ALG12: variants seen among roughly 807,000 people sequenced by gnomAD.
ALG12 encodes ALG12 alpha-1,6-mannosyltransferase.
Under a neutral mutation model 46.0 loss-of-function variants are expected in ALG12, and 36 were observed. The observed-to-expected ratio is 0.78, with a 90% confidence interval of 0.60 to 1.03. The LOEUF (loss-of-function observed/expected upper bound fraction) is 1.03. ALG12 is among the 50% of genes least tolerant of loss of function. ALG12 has a pLI of 0.00. For missense variants in ALG12, 599 were observed against 633.5 expected, an observed-to-expected ratio of 0.95 and a Z score of 0.58; for synonymous variants, 326 against 291.6, an observed-to-expected ratio of 1.12 and a Z score of -1.20.
chr22:49,879,981 C>T, the ALG12 span, among the ~76,000 whole-genome samples: 3 of 151,102 alleles, frequency 2.0e-5, no homozygotes, highest in Non-Finnish European at 4.4e-5. Flanking sequence ...TGGTTTTCTC[C>T]CGCTTCATCG....
chr22:49,908,383 C>CCAGG (rs2060555669), intron 6 of ALG12, among the ~76,000 whole-genome samples: 19 of 146,478 alleles, frequency 1.3e-4, no homozygotes, highest in African/African-American at 2.5e-4. Flanking sequence ...CAAAAATTAG[C>CCAGG]TGGGCATGGT....
the ALG12 span, chr22:49,885,021 C>T: frequency 2.2e-5 from 36 of 1,612,784 alleles, no homozygotes; most frequent in Non-Finnish European, 3.1e-5. Context: ...ATAAAAAGGT[C>T]ATGAAAAGAC....
chr22:49,870,540 C>G, the ALG12 span, among the ~76,000 whole-genome samples: 1 of 152,086 alleles, frequency 6.6e-6, no homozygotes, highest in Non-Finnish European at 1.5e-5. Flanking sequence ...GAGATGGTAT[C>G]TCGTTGTGGT....
chr22:49,886,774 T>G, the ALG12 span: 1 of 1,612,508 alleles, frequency 6.2e-7, no homozygotes, highest in Non-Finnish European at 8.5e-7. This position sits in a 1 kb window ranked among gnomAD's most constrained non-coding sequence, Gnocchi z 7.7. Context: ...ACTCATGAAT[T>G]CTACCTCAGA....
chr22:49,877,897 A>G, the ALG12 span, among the ~76,000 whole-genome samples: 1 of 152,186 alleles, frequency 6.6e-6, no homozygotes, highest in Non-Finnish European at 1.5e-5. Context: ...TGTTGCGTGT[A>G]TCCATTCATT....
intron 7 of ALG12, among the ~76,000 whole-genome samples, chr22:49,904,753 T>TAA (rs1459792717): frequency 6.6e-6 from 1 of 152,120 alleles, no homozygotes; most frequent in African/African-American, 2.4e-5. Context: ...TATATATATA[T>TAA]TTTTGAGACA....
intron 3 of ALG12, 89 bp from the exon 4 acceptor site, chr22:49,910,696 T>C: frequency 6.8e-7 from 1 of 1,469,038 alleles, no homozygotes; most frequent in Non-Finnish European, 9.5e-7. Flanking sequence ...CAGATCTTTC[T>C]ATATGGAGTT....
the ALG12 span, among the ~76,000 whole-genome samples, chr22:49,873,601 G>A: frequency 6.6e-6 from 1 of 152,042 alleles, no homozygotes; most frequent in African/African-American, 2.4e-5. Flanking sequence ...GGCACCGATG[G>A]ACGTGCTTGA....
At position 49,913,667 on chromosome 22, in the gene ALG12, C is replaced by T. The variant is rs76707654; in HGVS notation, c.99G>A (p.Val33=). The change falls in exon 2 of 10, where the codon GTG becomes GTA. Residue 33 remains valine, a synonymous_variant. Transcript: ENST00000330817. ...VHLVICPYTK[V]EESFNLQATH... The stretch of plus-strand genomic sequence containing the variant: ...TGGCCTGCAGGTTGAAGCTCTCCTC[C>T]ACTTTGGTGTAGGGACAGATGACCA... 27,034 of 1,614,138 alleles carry T rather than the reference C, an allele frequency of 0.017. 738 individuals carry two copies. The highest frequency in any genetic ancestry group is 0.12 in the African/African-American group (9,131 of 75,034).
At chr22:49,886,846 G>A in the ALG12 span, 1 of 1,614,068 alleles carries the variant, frequency 6.2e-7, no homozygotes, top group South Asian at 1.1e-5. The surrounding 1 kb of genome is among the most constrained non-coding windows in gnomAD (Gnocchi z 7.7). Flanking sequence ...TGCCGCAGAG[G>A]AGAACCTGTG....
the ALG12 span, among the ~76,000 whole-genome samples, chr22:49,871,849 G>A: frequency 1.3e-5 from 2 of 151,712 alleles, no homozygotes; most frequent in African/African-American, 4.8e-5. Flanking sequence ...CCACCTCCTG[G>A]GTTGAAGCGA....
rs1313097340 is a variant in ALG12, at chr22:49,902,195, TGTG to T, written c.*1640_*1642del. 6.9e-6 allele frequency: 1 copy of T among 144,156 alleles called. No homozygotes were observed. The highest frequency in any genetic ancestry group is 6.8e-5 in the Admixed American group (1 of 14,642). The allele number at this position is 144,156 out of a possible 1,614,324, so 8.9% of individuals were successfully genotyped here. A position where few individuals can be genotyped will look rare whatever the true frequency, so the allele number is the denominator to read the frequency against. ...CACTGTGTGTGGTGTGTATGCATGG[TGTG>T]TGCACATGTGCACTGTGTGGTGTGT... is the stretch of plus-strand genomic sequence containing the variant. On this transcript the variant is annotated 3_prime_UTR_variant, in exon 10 of 10. Transcript: ENST00000330817.
downstream of ALG12, among the ~76,000 whole-genome samples, chr22:49,897,663 CTTTTT>C (rs146468551): frequency 0.051 from 5,296 of 103,634 alleles, 309 homozygotes; most frequent in African/African-American, 0.19. Context: ...CCCATGTTTT[CTTTTT>C]TTTTTTTTTT....
In ALG12 at chr22:49,904,443, G is replaced by A. The variant is rs779829912; in HGVS notation, c.1056C>T (p.Leu352=). The change falls in exon 8 of 10, where the codon CTC becomes CTT. Residue 352 remains leucine, a synonymous_variant. Coordinates refer to ENST00000330817, the MANE Select transcript of ALG12 (RefSeq NM_024105.4). ...KAGSLLVIGH[L]VVNAAYSATA... ...TGGCTGAGTAGGCGGCATTCACCACGAGGTGTCCGATCACAAGCAGAGACC... is the reference window on the plus strand; with the variant it reads ...TGGCTGAGTAGGCGGCATTCACCACAAGGTGTCCGATCACAAGCAGAGACC... 40 of 1,614,052 alleles carry A rather than the reference G, an allele frequency of 2.5e-5. 1 individual carries two copies. The South Asian group carries it at 2.9e-4, about 12-fold the overall frequency.
chr22:49,876,055 T>C, the ALG12 span, among the ~76,000 whole-genome samples: 1 of 152,196 alleles, frequency 6.6e-6, no homozygotes, highest in Non-Finnish European at 1.5e-5. Context: ...CTGCGTGTAA[T>C]ATAAAAGTGT....
the ALG12 span, chr22:49,885,729 A>C: frequency 6.2e-7 from 1 of 1,604,212 alleles, no homozygotes; most frequent in Non-Finnish European, 8.5e-7. Flanking sequence ...AATACTTGAA[A>C]CCTCAGTACT....
At chr22:49,877,619 T>C in the ALG12 span, among the ~76,000 whole-genome samples, 3 of 152,160 alleles carry the variant, frequency 2.0e-5, no homozygotes, top group Admixed American at 6.5e-5. Context: ...TTGGGTATAA[T>C]TGATATACAA....
At chr22:49,877,885 C>G in the ALG12 span, among the ~76,000 whole-genome samples, 1 of 152,130 alleles carries the variant, frequency 6.6e-6, no homozygotes, top group Non-Finnish European at 1.5e-5. Context: ...GAGATTCATC[C>G]GTGTTGCGTG....
chr22:49,914,929 T>C (rs1366682668), intron 1 of ALG12, among the ~76,000 whole-genome samples: 7 of 152,230 alleles, frequency 4.6e-5, no homozygotes, highest in Non-Finnish European at 1.0e-4. Context: ...GGGTCTTGCT[T>C]TGTAGCCCAG....
Sources: gnomAD v4.1 joint callset for allele counts (sites outside exome capture counted in the v4.1 genomes callset) on GRCh38, gnomAD v4.1.1 for gene constraint, Gnocchi (gnomAD v3.1) non-coding constraint, MANE v1.5 for transcripts, NCBI Gene and HGNC (gene_info 2026-07-23, HGNC 2026-07-21) for gene names.